UEVLD: variants seen among roughly 807,000 people sequenced by gnomAD.
UEVLD encodes the protein UEV and lactate/malate dehyrogenase domains.
A neutral mutation model predicts 58.6 loss-of-function variants in UEVLD; 47 were observed. The ratio of observed to expected loss-of-function variants is 0.80; its 90% confidence interval spans 0.63 to 1.02. The LOEUF is 1.02. Ranked by LOEUF, UEVLD falls within the 50% of genes least tolerant of loss-of-function variation. UEVLD has a pLI of 0.00. For missense variants in UEVLD, 510 were observed against 550.6 expected (o/e 0.93, Z 0.74); for synonymous variants, 197 against 195.3 (o/e 1.01, Z -0.07).
chr11:18,554,327 G>C (rs1005635959), intron 7 of UEVLD, among the ~76,000 whole-genome samples: 13 of 151,540 alleles, frequency 8.6e-5, no homozygotes, highest in Admixed American at 2.0e-4. Flanking sequence ...CCCGACCTCA[G>C]GTGATCCTCC....
In UEVLD at chr11:18,552,564, TA is replaced by T; in HGVS notation, c.716-5515del. Among the ~76,000 whole-genome samples, 6 of 150,942 alleles carry T rather than the reference TA, an allele frequency of 4.0e-5. 1 individual carries two copies. The South Asian group carries it at 1.3e-3, about 32-fold the overall frequency. ...TGTCTCAAAAAATGAAAATAAAAAT[TA>T]AAATTAAAAAATTAGGCTGGTCACG... On this transcript the variant is annotated intron_variant, in intron 7 of 11. Coordinates refer to ENST00000396197, the MANE Select transcript of UEVLD (RefSeq NM_001040697.4).
chr11:18,559,837 G>T (rs1851927062), intron 6 of UEVLD, among the ~76,000 whole-genome samples: 1 of 152,050 alleles, frequency 6.6e-6, no homozygotes. Context: ...CTAAAAATCA[G>T]TTTACCTTTA....
At chr11:18,580,914 G>A (rs986662087) in intron 1 of UEVLD, among the ~76,000 whole-genome samples, 1 of 152,140 alleles carries the variant, frequency 6.6e-6, no homozygotes, top group South Asian at 2.1e-4. Context: ...TGTAATCCCA[G>A]CACTTTGGGA....
At chr11:18,578,635 A>G in intron 2 of UEVLD, 89 bp downstream of exon 2, 1 of 894,736 alleles carries the variant, frequency 1.1e-6, no homozygotes, top group Non-Finnish European at 1.8e-6. Flanking sequence ...TAAAAGAGAA[A>G]AAGAGAAATT....
At chr11:18,575,743 G>C (rs1412311403) in intron 2 of UEVLD, among the ~76,000 whole-genome samples, 1 of 152,132 alleles carries the variant, frequency 6.6e-6, no homozygotes, top group African/African-American at 2.4e-5. Flanking sequence ...ATAAAATAAA[G>C]ATAATAAGAC....
chr11:18,535,116 A>T (rs1404531796), intron 10 of UEVLD, among the ~76,000 whole-genome samples: 1 of 152,230 alleles, frequency 6.6e-6, no homozygotes, highest in East Asian at 1.9e-4. Context: ...GGATAGCATA[A>T]ATCTATATTA....
chr11:18,559,765 C>T (rs978154364), intron 6 of UEVLD, among the ~76,000 whole-genome samples: 7 of 152,140 alleles, frequency 4.6e-5, no homozygotes, highest in Admixed American at 2.0e-4. Context: ...ATGGAAAATA[C>T]TCCACATGCC....
rs544542932 is a variant in UEVLD at position 18,532,641 on chromosome 11, A to G, written c.1249-154T>C. On this transcript the variant is annotated intron_variant, in intron 11 of 11. Coordinates refer to ENST00000396197, the MANE Select transcript of UEVLD (RefSeq NM_001040697.4). ...TTCATTTACTTATTTTATTTTTAGA[A>G]GTCCAGACCTCACAATCATTCATTG... Among the ~76,000 whole-genome samples the G allele has an allele frequency of 5.9e-5, 9 of 152,316 alleles. No individual in the cohort carries two copies. The East Asian group carries it at 1.7e-3, about 29-fold the overall frequency.
chr11:18,551,970 C>T (rs1042361562), intron 7 of UEVLD, among the ~76,000 whole-genome samples: 1 of 152,132 alleles, frequency 6.6e-6, no homozygotes, highest in African/African-American at 2.4e-5. Context: ...ATTTAAAATA[C>T]TGAAAGACCA....
At position 18,558,336 on chromosome 11, in the gene UEVLD, C is replaced by T. The variant is rs181597915; in HGVS notation, c.613-6G>A. Reference sequence around the variant, plus strand: ...ACAAGCCTGTCTGCAATACCCTGTACAGTAAGAGAAAGAACATTACACTGA... The same window carrying T: ...ACAAGCCTGTCTGCAATACCCTGTATAGTAAGAGAAAGAACATTACACTGA... On this transcript the variant is annotated splice_region_variant and splice_polypyrimidine_tract_variant and intron_variant, in intron 6 of 11. Coordinates refer to ENST00000396197, the MANE Select transcript of UEVLD (RefSeq NM_001040697.4). 1,418 of 1,585,928 alleles carry T rather than the reference C, an allele frequency of 8.9e-4. 3 individuals carry two copies. The Middle Eastern group carries it at 0.013, about 15-fold the overall frequency.
chr11:18,538,596 AACC>A (rs1322339636), intron 9 of UEVLD, among the ~76,000 whole-genome samples: 1 of 151,636 alleles, frequency 6.6e-6, no homozygotes, highest in Non-Finnish European at 1.5e-5. Context: ...TACAGCTGTG[AACC>A]ACCATGGCTG....
intron 1 of UEVLD, among the ~76,000 whole-genome samples, chr11:18,582,576 C>T (rs1198670217): frequency 6.6e-6 from 1 of 151,942 alleles, no homozygotes; most frequent in Non-Finnish European, 1.5e-5. Context: ...CTCAAGGGAT[C>T]CACCTGTTTC....
chr11:18,582,878 T>C (rs1853316754), intron 1 of UEVLD, among the ~76,000 whole-genome samples: 3 of 152,112 alleles, frequency 2.0e-5, no homozygotes, highest in Admixed American at 2.0e-4. Flanking sequence ...TTAATAAAAT[T>C]TTAAATTTGC....
chr11:18,575,283 TTTAAG>T lies in UEVLD; in HGVS notation c.193+59_193+63del, dbSNP rs1852842185. 23 of 1,527,278 alleles carry T rather than the reference TTTAAG, an allele frequency of 1.5e-5. No individual in the cohort carries two copies. In the South Asian group the frequency reaches 2.6e-4, roughly 18 times the overall value. The allele number at this position is 1,527,278 out of a possible 1,614,324, so 94.6% of individuals were successfully genotyped here. On this transcript the variant is annotated intron_variant, in intron 3 of 11. Coordinates refer to ENST00000396197, the MANE Select transcript of UEVLD (RefSeq NM_001040697.4). ...TTAAGAATGTTATGGCATAAACAAA[TTTAAG>T]TTATTAAATGAACTGCTCTTTTAGA...
chr11:18,558,788 A>C (rs573825934), intron 6 of UEVLD, among the ~76,000 whole-genome samples: 2 of 152,106 alleles, frequency 1.3e-5, no homozygotes, highest in Non-Finnish European at 2.9e-5. Flanking sequence ...ATCTCAAAAA[A>C]AAAAAAAAGA....
At position 18,536,465 on chromosome 11, in the gene UEVLD, G is replaced by A; in HGVS notation, c.1065C>T (p.Leu355=). The A allele has an allele frequency of 1.2e-6, 2 of 1,613,262 alleles. No homozygotes were observed. Among genetic ancestry groups the A allele is most frequent in the Non-Finnish European group, 1.7e-6 (2 of 1,179,408 alleles). The change falls in exon 10 of 12, where the codon CTC becomes CTT. Residue 355 remains leucine (L), a synonymous_variant. Transcript: ENST00000396197. The part of the protein sequence containing the change: ...VIGEQGEDKV[L]TWSGQEEVVS... ...CTACTTCTTCTTGGCCACTCCATGT[G>A]AGCACTAAAATTAGATGAAGAATTA...
chr11:18,557,334 A>C (rs1851796693), intron 7 of UEVLD, among the ~76,000 whole-genome samples: 1 of 150,864 alleles, frequency 6.6e-6, no homozygotes, highest in Admixed American at 6.6e-5. Context: ...TTGTATTTTT[A>C]GTAGAGATGG....
chr11:18,533,477 ACAGT>A (rs71995114), intron 11 of UEVLD, among the ~76,000 whole-genome samples: 30,063 of 150,304 alleles, frequency 0.2, 3,128 homozygotes, highest in East Asian at 0.24. Flanking sequence ...ATGATAAATG[ACAGT>A]CAGAAGAAAT....
At chr11:18,533,080 A>G (rs1280390134) in intron 11 of UEVLD, among the ~76,000 whole-genome samples, 1 of 135,794 alleles carries the variant, frequency 7.4e-6, no homozygotes, top group South Asian at 2.2e-4. Flanking sequence ...TTTTTTTGAG[A>G]TGAGGTCTCT....
Sources: allele counts gnomAD v4.1 joint callset (sites outside exome capture counted in the v4.1 genomes callset), GRCh38; gene constraint gnomAD v4.1.1; transcripts MANE v1.5; gene names NCBI Gene and HGNC (gene_info 2026-07-23, HGNC 2026-07-21).